CYB5R4: variants seen among roughly 807,000 people sequenced by gnomAD.
CYB5R4 encodes the protein cytochrome b5 reductase 4.
A neutral mutation model predicts 70.2 loss-of-function variants in CYB5R4; 55 were observed. That is an observed-to-expected ratio of 0.78 (90% CI 0.63 to 0.98). The LOEUF (loss-of-function observed/expected upper bound fraction) is 0.98. Among genes scored for constraint, CYB5R4 ranks in the 50% least tolerant of loss-of-function variants. CYB5R4 has a pLI of 0.00. For missense variants in CYB5R4, 562 were observed against 612.6 expected (o/e 0.92, Z 0.87); for synonymous variants, 197 against 199.5 (o/e 0.99, Z 0.11).
At chr6:83,958,311 A>G (rs938746436) in intron 15 of CYB5R4, among the ~76,000 whole-genome samples, 2 of 152,340 alleles carry the variant, frequency 1.3e-5, no homozygotes, top group South Asian at 4.1e-4. Context: ...CGTGCTGATA[A>G]CCAAAGTATG....
chr6:83,860,514 A>C (rs1317532977), intron 1 of CYB5R4, among the ~76,000 whole-genome samples: 1 of 152,242 alleles, frequency 6.6e-6, no homozygotes, highest in African/African-American at 2.4e-5. Flanking sequence ...CAACAGGTGG[A>C]ATACTGTACA....
chr6:83,910,653 A>G (rs1296465026), intron 4 of CYB5R4, among the ~76,000 whole-genome samples: 1 of 152,234 alleles, frequency 6.6e-6, no homozygotes, highest in Admixed American at 6.5e-5. Context: ...AATTTTGAAC[A>G]TGTGTATATT....
At chr6:83,900,814 T>G (rs1422747284) in intron 3 of CYB5R4, among the ~76,000 whole-genome samples, 1 of 152,210 alleles carries the variant, frequency 6.6e-6, no homozygotes, top group East Asian at 1.9e-4. Context: ...GTTTTCCATT[T>G]GCTTGGTAGA....
intron 6 of CYB5R4, among the ~76,000 whole-genome samples, chr6:83,919,108 A>C (rs2099465959): frequency 6.6e-6 from 1 of 152,136 alleles, no homozygotes; most frequent in Non-Finnish European, 1.5e-5. Context: ...CTGATAAAAG[A>C]AGATTTTAGT....
rs187403256 is a variant in CYB5R4, at chr6:83,905,334, C to T, written c.331-3675C>T. ...GGCCTCCCAAAGTGCGGAGCCACTG[C>T]GCCCGGCCCTTTTTCAGTTTTTTTT... is the stretch of plus-strand genomic sequence containing the variant. On this transcript the variant is annotated intron_variant, in intron 3 of 15. Coordinates refer to ENST00000369681, the MANE Select transcript of CYB5R4 (RefSeq NM_016230.4). 1.8e-3 allele frequency among the ~76,000 whole-genome samples: 275 copies of T among 152,290 alleles called. 1 individual carries two copies. Among genetic ancestry groups the T allele is most frequent in the Non-Finnish European group, 2.5e-3 (171 of 68,016 alleles).
At chr6:83,878,635 C>T (rs1429217747) in intron 2 of CYB5R4, among the ~76,000 whole-genome samples, 3 of 152,152 alleles carry the variant, frequency 2.0e-5, no homozygotes, top group Non-Finnish European at 4.4e-5. Flanking sequence ...CGTGAGCCAC[C>T]GCGCCCAGCC....
At chr6:83,894,945 C>T (rs1588567275) in intron 3 of CYB5R4, among the ~76,000 whole-genome samples, 1 of 152,060 alleles carries the variant, frequency 6.6e-6, no homozygotes, top group African/African-American at 2.4e-5. Context: ...GGTTGCAGTT[C>T]AAACCTGTGT....
In CYB5R4 at chr6:83,921,353, C is replaced by T. The variant is rs188703115; in HGVS notation, c.658+178C>T. Among the ~76,000 whole-genome samples the T allele has an allele frequency of 3.0e-3, 461 of 152,230 alleles. 2 individuals are homozygous for T. Among genetic ancestry groups the T allele is most frequent in the Non-Finnish European group, 4.0e-3 (275 of 68,004 alleles). On this transcript the variant is annotated intron_variant, in intron 8 of 15. Coordinates refer to ENST00000369681, the MANE Select transcript of CYB5R4 (RefSeq NM_016230.4). ...CACTAATAAAAGTACTAGCAAGTGG[C>T]GGTGTGACCTCACCTTTCGAAGTTT... is the stretch of plus-strand genomic sequence containing the variant.
chr6:83,890,313 G>A (rs1162861121), intron 2 of CYB5R4, among the ~76,000 whole-genome samples: 1 of 152,122 alleles, frequency 6.6e-6, no homozygotes, highest in African/African-American at 2.4e-5. Flanking sequence ...GCCCTCATGG[G>A]TAACTTTGAA....
rs1326316229 is a variant in CYB5R4 at position 83,964,526 on chromosome 6, G to T, written c.*4648G>T. Reference sequence around the variant, plus strand: ...AAAGCATTCAAGAGGTGACTCAAGTGTTGTTAAAGGCATTCAGTTTTAAAA... The same window carrying T: ...AAAGCATTCAAGAGGTGACTCAAGTTTTGTTAAAGGCATTCAGTTTTAAAA... On this transcript the variant is annotated 3_prime_UTR_variant, in exon 16 of 16. Coordinates refer to ENST00000369681, the MANE Select transcript of CYB5R4 (RefSeq NM_016230.4). The T allele has an allele frequency of 6.6e-6, 1 of 152,394 alleles. No individual in the cohort carries two copies. Among genetic ancestry groups the T allele is most frequent in the Non-Finnish European group, 1.5e-5 (1 of 68,198 alleles). The allele number at this position is 152,394 out of a possible 1,614,324, so 9.4% of individuals were successfully genotyped here.
chr6:83,898,734 TG>T (rs1353857874), intron 3 of CYB5R4, among the ~76,000 whole-genome samples: 7 of 152,106 alleles, frequency 4.6e-5, no homozygotes, highest in Admixed American at 4.6e-4. Context: ...CAATTGTGAA[TG>T]GGAGTTCACT....
At position 83,960,523 on chromosome 6, in the gene CYB5R4, C is replaced by CA. The variant is rs2099473162; in HGVS notation, c.*646dup. The CA allele has an allele frequency of 6.6e-6, 1 of 152,196 alleles. No individual in the cohort carries two copies. Among genetic ancestry groups the CA allele is most frequent in the South Asian group, 2.1e-4 (1 of 4,832 alleles). The allele number at this position is 152,196 out of a possible 1,614,324, so 9.4% of individuals were successfully genotyped here. A position where few individuals can be genotyped will look rare whatever the true frequency, so the allele number is the denominator to read the frequency against. On this transcript the variant is annotated 3_prime_UTR_variant, in exon 16 of 16. Coordinates refer to ENST00000369681, the MANE Select transcript of CYB5R4 (RefSeq NM_016230.4). Reference sequence around the variant, plus strand: ...GCAATAAAATATATTAGAGACATGACACACATGCGCCTTTGGACTAGGTGT... The same window carrying CA: ...GCAATAAAATATATTAGAGACATGACAACACATGCGCCTTTGGACTAGGTGT...
chr6:83,958,387 T>C (rs2099472769), intron 15 of CYB5R4, among the ~76,000 whole-genome samples: 2 of 152,016 alleles, frequency 1.3e-5, no homozygotes, highest in Non-Finnish European at 2.9e-5. Flanking sequence ...CCGGGAGAGA[T>C]GGGTTACTTT....
intron 1 of CYB5R4, among the ~76,000 whole-genome samples, chr6:83,862,835 A>G (rs1234755899): frequency 6.6e-6 from 1 of 152,294 alleles, no homozygotes; most frequent in South Asian, 2.1e-4. Flanking sequence ...CACTTCATTT[A>G]TTGGGATCAA....
chr6:83,880,972 A>C (rs903274678), intron 2 of CYB5R4, among the ~76,000 whole-genome samples: 7 of 152,144 alleles, frequency 4.6e-5, no homozygotes, highest in African/African-American at 1.7e-4. Flanking sequence ...TTTGACATGC[A>C]GTCTCTTTGC....
chr6:83,893,686 C>T (rs1303808196), intron 3 of CYB5R4, 64 bp downstream of exon 3: 1 of 937,454 alleles, frequency 1.1e-6, no homozygotes, highest in Non-Finnish European at 1.6e-6. Context: ...ATCAGTGTGA[C>T]ATTTGTAGAA....
chr6:83,910,979 A>T (rs989244792), intron 4 of CYB5R4, among the ~76,000 whole-genome samples: 3 of 152,228 alleles, frequency 2.0e-5, no homozygotes, highest in African/African-American at 7.2e-5. Flanking sequence ...TGAGAGATGT[A>T]TAAAATTGAA....
Position 83,960,130 on chromosome 6 carries a change from T to C in CYB5R4, c.*252T>C, listed in dbSNP as rs1198388590. The C allele has an allele frequency of 3.2e-6, 1 of 308,928 alleles. No individual in the cohort carries two copies. Among genetic ancestry groups the C allele is most frequent in the Non-Finnish European group, 5.9e-6 (1 of 170,102 alleles). 19.1% of individuals were successfully genotyped at this position (308,928 alleles called of 1,614,324 possible). On this transcript the variant is annotated 3_prime_UTR_variant, in exon 16 of 16. Transcript: ENST00000369681. ...CAAATACATACAGGATTCTTTGTTA[T>C]GAATCACAAATTTCCTTGCCATTTA...
chr6:83,895,839 A>G (rs947575123), intron 3 of CYB5R4, among the ~76,000 whole-genome samples: 4 of 152,356 alleles, frequency 2.6e-5, no homozygotes, highest in Admixed American at 6.5e-5. Flanking sequence ...GAAGTAAACT[A>G]GAAACTACAG....
Sources: allele counts gnomAD v4.1 joint callset (sites outside exome capture counted in the v4.1 genomes callset), GRCh38; gene constraint gnomAD v4.1.1; transcripts MANE v1.5; gene names NCBI Gene and HGNC (gene_info 2026-07-23, HGNC 2026-07-21).